Variants in DAB1 observed in about 807,000 individuals in gnomAD.
DAB1 encodes the protein disabled homolog 1.
A neutral mutation model predicts 64.6 loss-of-function variants in DAB1; 15 were observed. That is an observed-to-expected ratio of 0.23 (90% CI 0.16 to 0.36). The LOEUF (loss-of-function observed/expected upper bound fraction) is 0.36, where lower values mean the gene tolerates loss of function less well. DAB1 is among the 10% of genes least tolerant of loss of function. DAB1 has a pLI of 1.00. For synonymous variants in DAB1, 235 were observed against 251.9 expected (o/e 0.93, Z 0.64); for missense variants, 596 against 706.7 (o/e 0.84, Z 1.78).
intron 4 of DAB1, among the ~76,000 whole-genome samples, chr1:57,117,489 C>T (rs1258413329): frequency 6.6e-6 from 1 of 152,204 alleles, no homozygotes; most frequent in Admixed American, 6.5e-5. Context: ...CTCCTATGAA[C>T]TTCTATTTTT....
chr1:58,092,003 T>C (rs1227839620), intron 5 of DAB1, among the ~76,000 whole-genome samples: 1 of 151,176 alleles, frequency 6.6e-6, no homozygotes, highest in African/African-American at 2.4e-5. Context: ...AAGTGGTTTA[T>C]TGTCTCACAT....
At chr1:57,390,758 T>C (rs1558294519) in intron 1 of DAB1, among the ~76,000 whole-genome samples, 2 of 152,196 alleles carry the variant, frequency 1.3e-5, no homozygotes, top group Admixed American at 6.5e-5. Flanking sequence ...CCTATCTTAA[T>C]CTTCCCAATT....
At chr1:57,047,147 T>G (rs1648604195) in intron 9 of DAB1, among the ~76,000 whole-genome samples, 1 of 152,240 alleles carries the variant, frequency 6.6e-6, no homozygotes, top group Non-Finnish European at 1.5e-5. Context: ...CTGTTCTAAC[T>G]TATTTAACTC....
At chr1:58,000,531 C>T (rs1646490354) in intron 5 of DAB1, among the ~76,000 whole-genome samples, 1 of 150,812 alleles carries the variant, frequency 6.6e-6, no homozygotes, top group Non-Finnish European at 1.5e-5. Context: ...TCTCTTTTCC[C>T]CCTCAATTAT....
intron 5 of DAB1, among the ~76,000 whole-genome samples, chr1:58,074,596 T>TATATATATATATATATATATA (rs1649527856): frequency 1.2e-5 from 1 of 81,040 alleles, no homozygotes; most frequent in African/African-American, 4.6e-5. Context: ...ATATATATAT[T>TATATATATATATATATATATA]TGAGAAACAG....
At chr1:57,213,128 G>T (rs528880503) in intron 2 of DAB1, among the ~76,000 whole-genome samples, 2 of 149,918 alleles carry the variant, frequency 1.3e-5, no homozygotes, top group Admixed American at 1.3e-4. Flanking sequence ...AAGAAAAAAG[G>T]CAAGCTACAG....
chr1:57,707,419 C>G (rs1646981492), intron 6 of DAB1, among the ~76,000 whole-genome samples: 1 of 146,886 alleles, frequency 6.8e-6, no homozygotes, highest in Admixed American at 6.8e-5. Context: ...TTAAACCATT[C>G]AACTATTGAG....
At chr1:57,092,589 T>G (rs1653788914) in intron 4 of DAB1, among the ~76,000 whole-genome samples, 1 of 149,938 alleles carries the variant, frequency 6.7e-6, no homozygotes, top group African/African-American at 2.5e-5. Context: ...CATGTGAAAC[T>G]GTGAGTCAAT....
chr1:58,473,558 AAAT>A (rs1219855792), intron 3 of DAB1, among the ~76,000 whole-genome samples: 116 of 140,444 alleles, frequency 8.3e-4, no homozygotes, highest in Admixed American at 2.3e-3. Context: ...ATAAATAAAT[AAAT>A]AAATAAATAA....
At chr1:58,404,083 G>T (rs768533274) in intron 3 of DAB1, among the ~76,000 whole-genome samples, 2 of 152,208 alleles carry the variant, frequency 1.3e-5, no homozygotes, top group Non-Finnish European at 2.9e-5. Flanking sequence ...CCAAGTTACT[G>T]GGTTTCTGTT....
chr1:57,258,056 T>C (rs1469540069), intron 2 of DAB1, among the ~76,000 whole-genome samples: 1 of 152,258 alleles, frequency 6.6e-6, no homozygotes, highest in Non-Finnish European at 1.5e-5. Context: ...CCTGTGACAC[T>C]AGTAAATAAT....
rs1341631661 is a variant in DAB1 at position 57,877,560 on chromosome 1, T to A, written n.87+6439A>T. Among the ~76,000 whole-genome samples, 6 of 21,126 alleles carry A rather than the reference T, an allele frequency of 2.8e-4. 2 individuals carry two copies. The highest frequency in any genetic ancestry group is 1.8e-3 in the South Asian group (2 of 1,082). 13.9% of individuals were successfully genotyped at this position (21,126 alleles called of 152,430 possible). A position where few individuals can be genotyped will look rare whatever the true frequency, so the allele number is the denominator to read the frequency against. ...TAATTGATTTATTTTTTTTTTTTTT[T>A]TTTTTTTTTTTGAGACGGAGTCTCG... On this transcript the variant is annotated intron_variant and non_coding_transcript_variant, in intron 1 of 1. Coordinates refer to the DAB1 transcript ENST00000477280.
chr1:58,066,817 C>T (rs538497745), intron 5 of DAB1, among the ~76,000 whole-genome samples: 1 of 152,128 alleles, frequency 6.6e-6, no homozygotes, highest in African/African-American at 2.4e-5. Flanking sequence ...TTCTTTTTTG[C>T]CTGTCCGTTT....
chr1:58,451,136 G>T (rs1160039643), intron 3 of DAB1, among the ~76,000 whole-genome samples: 2 of 152,096 alleles, frequency 1.3e-5, no homozygotes, highest in African/African-American at 4.8e-5. Flanking sequence ...GTCACTCAGG[G>T]TGGAATGCCA....
At chr1:57,049,546 T>C (rs1648958771) in intron 9 of DAB1, among the ~76,000 whole-genome samples, 1 of 145,070 alleles carries the variant, frequency 6.9e-6, no homozygotes, top group African/African-American at 2.5e-5. Flanking sequence ...GGGTGCTTGG[T>C]CCCTGTCTTC....
intron 5 of DAB1, among the ~76,000 whole-genome samples, chr1:58,039,848 A>C (rs1190492024): frequency 6.6e-6 from 1 of 152,242 alleles, no homozygotes; most frequent in Non-Finnish European, 1.5e-5. Flanking sequence ...TGAATAAAAC[A>C]ATAAATATGA....
intron 5 of DAB1, among the ~76,000 whole-genome samples, chr1:57,915,866 G>T (rs756062860): frequency 5.3e-5 from 8 of 152,150 alleles, no homozygotes; most frequent in African/African-American, 7.2e-5. Context: ...AGCTCTCTTT[G>T]CAGCCAAGCC....
chr1:57,238,848 C>T (rs1409272408), intron 2 of DAB1, among the ~76,000 whole-genome samples: 1 of 142,886 alleles, frequency 7.0e-6, no homozygotes, highest in Non-Finnish European at 1.5e-5. Flanking sequence ...TGCGCACACA[C>T]ACACACACAC....
At chr1:57,489,724 A>T (rs2101271574) in intron 7 of DAB1, among the ~76,000 whole-genome samples, 1 of 152,310 alleles carries the variant, frequency 6.6e-6, no homozygotes, top group Non-Finnish European at 1.5e-5. Context: ...TTATATAGGT[A>T]AACTGATTAA....
Sources: gnomAD v4.1 joint callset for allele counts (sites outside exome capture counted in the v4.1 genomes callset) on GRCh38, gnomAD v4.1.1 for gene constraint, MANE v1.5 for transcripts, NCBI Gene and HGNC (gene_info 2026-07-23, HGNC 2026-07-21) for gene names.